The following IL15 variants were observed in gnomAD, a reference collection of about 807,000 sequenced individuals.
IL15 encodes interleukin-15.
IL15 carries 11 observed loss-of-function variants against 19.6 expected under a neutral mutation model. The observed-to-expected ratio is 0.56, with a 90% CI of 0.35 to 0.93. IL15 has a LOEUF of 0.93. Ranked by LOEUF, IL15 falls within the 40% of genes least tolerant of loss-of-function variation. The pLI, the probability that IL15 is intolerant of heterozygous loss-of-function variation, is 0.01. For missense variants in IL15, 197 were observed against 186.5 expected (o/e 1.06, Z -0.33); for synonymous variants, 58 against 59.6 (o/e 0.97, Z 0.12).
chr4:141,640,001 CAT>C (rs1726990670), intron 1 of IL15, among the ~76,000 whole-genome samples: 1 of 152,056 alleles, frequency 6.6e-6, no homozygotes, highest in African/African-American at 2.4e-5. Flanking sequence ...TGTGTATGTG[CAT>C]ATATGTGTGT....
chr4:141,721,096 C>T, intron 4 of IL15: 1 of 1,489,898 alleles, frequency 6.7e-7, no homozygotes, highest in Admixed American at 1.9e-5. Context: ...AAGCACCTAA[C>T]CTATAGTTAT....
At chr4:141,731,573 A>T (rs1730453360) in intron 7 of IL15, among the ~76,000 whole-genome samples, 1 of 152,196 alleles carries the variant, frequency 6.6e-6, no homozygotes, top group African/African-American at 2.4e-5. Context: ...ATCATGACAG[A>T]GTGTGACATA....
chr4:141,665,996 C>T (rs1282678023), intron 2 of IL15, among the ~76,000 whole-genome samples: 3 of 152,018 alleles, frequency 2.0e-5, no homozygotes, highest in African/African-American at 7.2e-5. Flanking sequence ...TGAAAGACAG[C>T]CTTTTGTCAT....
At chr4:141,705,133 T>G (rs913047000) in intron 2 of IL15, among the ~76,000 whole-genome samples, 5 of 151,994 alleles carry the variant, frequency 3.3e-5, no homozygotes, top group Non-Finnish European at 7.4e-5. Context: ...GGGTTTAGTT[T>G]GTTCTTATTA....
chr4:141,680,632 A>G (rs916539448), intron 2 of IL15, among the ~76,000 whole-genome samples: 1 of 152,118 alleles, frequency 6.6e-6, no homozygotes, highest in Non-Finnish European at 1.5e-5. Context: ...TGCCTTTTGT[A>G]TTTGGCAAGT....
intron 4 of IL15, 165 bp downstream of exon 4, chr4:141,720,731 A>G: frequency 1.6e-6 from 1 of 635,108 alleles, no homozygotes; most frequent in Non-Finnish European, 2.8e-6. Context: ...AGGTTTGGTA[A>G]ACACCTAACT....
At chr4:141,639,261 C>T (rs1372126568) in intron 1 of IL15, among the ~76,000 whole-genome samples, 2 of 152,188 alleles carry the variant, frequency 1.3e-5, no homozygotes, top group African/African-American at 2.4e-5. Context: ...ACAAATATTT[C>T]GTACAATTTG....
At chr4:141,671,792 G>A (rs893966587) in intron 2 of IL15, among the ~76,000 whole-genome samples, 11 of 152,118 alleles carry the variant, frequency 7.2e-5, no homozygotes, top group Admixed American at 2.0e-4. Context: ...GACATAAATC[G>A]TAGCTAGGAC....
chr4:141,669,153 C>A (rs1728090552), intron 2 of IL15, among the ~76,000 whole-genome samples: 1 of 151,918 alleles, frequency 6.6e-6, no homozygotes, highest in Admixed American at 6.6e-5. Context: ...TAGTTAAGAA[C>A]CTAAAATAGT....
At chr4:141,689,930 C>T (rs528176294) in intron 2 of IL15, among the ~76,000 whole-genome samples, 10 of 152,268 alleles carry the variant, frequency 6.6e-5, no homozygotes, top group African/African-American at 1.7e-4. Flanking sequence ...CGGGGAGGCT[C>T]GGGCCTCACA....
intron 2 of IL15, among the ~76,000 whole-genome samples, chr4:141,684,000 TTCG>T (rs1728627723): frequency 6.6e-6 from 1 of 152,220 alleles, no homozygotes; most frequent in Admixed American, 6.5e-5. Flanking sequence ...CAGGGTTTTC[TTCG>T]CCAAAAATAC....
At chr4:141,719,670 CTCT>C (rs1214336439) in intron 3 of IL15, among the ~76,000 whole-genome samples, 194 bp downstream of exon 3, 2 of 152,104 alleles carry the variant, frequency 1.3e-5, no homozygotes, top group African/African-American at 4.8e-5. Flanking sequence ...TCTTGATAGG[CTCT>C]TCTTGTCATT....
rs564291501 is a variant in IL15 at position 141,662,994 on chromosome 4, G to A, written c.-100+6687G>A. ...CAGTGCAAAACTCTTCATATTATTG[G>A]CAGAAAAAAAATCCAGCAACTCATT... On this transcript the variant is annotated intron_variant, in intron 2 of 7. Coordinates refer to ENST00000320650, the MANE Select transcript of IL15 (RefSeq NM_000585.5). 4.0e-5 allele frequency among the ~76,000 whole-genome samples: 6 copies of A among 150,764 alleles called. No individual in the cohort carries two copies. In the East Asian group the frequency reaches 9.7e-4, roughly 24 times the overall value.
chr4:141,707,271 A>G (rs866292675), intron 2 of IL15, among the ~76,000 whole-genome samples: 6 of 152,098 alleles, frequency 3.9e-5, no homozygotes, highest in Middle Eastern at 6.8e-3. Flanking sequence ...TTCTTTTAAA[A>G]TTATATTTAT....
chr4:141,726,597 A>T (rs1485773480), intron 5 of IL15, among the ~76,000 whole-genome samples: 3 of 152,176 alleles, frequency 2.0e-5, no homozygotes, highest in African/African-American at 7.2e-5. Flanking sequence ...GCTCTTAGAC[A>T]TTCATCCTTG....
At chr4:141,658,964 A>G (rs184568714) in intron 2 of IL15, among the ~76,000 whole-genome samples, 13,273 of 150,514 alleles carry the variant, frequency 0.088, 743 homozygotes, top group South Asian at 0.18. Context: ...GGTTCAAGCC[A>G]TTCTCCTGCC....
At chr4:141,727,339 C>T (rs561900253) in intron 5 of IL15, among the ~76,000 whole-genome samples, 78 of 150,950 alleles carry the variant, frequency 5.2e-4, no homozygotes, top group Admixed American at 2.7e-3. Flanking sequence ...ACCTAAATGG[C>T]TCATAAAAAT....
At position 141,732,849 on chromosome 4, in the gene IL15, T is replaced by C. The variant is rs760320330; in HGVS notation, c.*1T>C. 1.4e-5 allele frequency: 22 copies of C among 1,605,840 alleles called. No individual in the cohort carries two copies. The South Asian group carries it at 2.0e-4, about 15-fold the overall frequency. Reference sequence around the variant, plus strand: ...CCAAATGTTCATCAACACTTCTTGATTGCAATTGATTCTTTTTAAAGTGTT... The same window carrying C: ...CCAAATGTTCATCAACACTTCTTGACTGCAATTGATTCTTTTTAAAGTGTT... On this transcript the variant is annotated 3_prime_UTR_variant, in exon 8 of 8. Coordinates refer to ENST00000320650, the MANE Select transcript of IL15 (RefSeq NM_000585.5).
chr4:141,686,890 C>G (rs545610098), intron 2 of IL15, among the ~76,000 whole-genome samples: 1 of 152,216 alleles, frequency 6.6e-6, no homozygotes, highest in East Asian at 1.9e-4. Flanking sequence ...GATGCATACA[C>G]TCAGATTTCC....
Sources: allele counts gnomAD v4.1 joint callset (sites outside exome capture counted in the v4.1 genomes callset), GRCh38; gene constraint gnomAD v4.1.1; transcripts MANE v1.5; gene names NCBI Gene and HGNC (gene_info 2026-07-23, HGNC 2026-07-21).